ALOX12B: variants seen among roughly 807,000 people sequenced by gnomAD.
ALOX12B encodes the protein arachidonate 12-lipoxygenase, 12R-type.
Under a neutral mutation model 78.9 loss-of-function variants are expected in ALOX12B, and 47 were observed. That is an observed-to-expected ratio of 0.60 (90% CI 0.47 to 0.76). The LOEUF (loss-of-function observed/expected upper bound fraction) is 0.76. Among genes scored for constraint, ALOX12B ranks in the 30% least tolerant of loss-of-function variants. ALOX12B has a pLI of 0.00. For missense variants in ALOX12B, 805 were observed against 922.6 expected (o/e 0.87, Z 1.65); for synonymous variants, 370 against 374.5 (o/e 0.99, Z 0.14).
At chr17:8,075,860 G>C in intron 11 of ALOX12B, 144 bp from the exon 12 acceptor site, 1 of 1,382,634 alleles carries the variant, frequency 7.2e-7, no homozygotes, top group Non-Finnish European at 1.0e-6. Flanking sequence ...CTGTGGGGCA[G>C]AAGTGGAGAG....
intron 3 of ALOX12B, 29 bp downstream of exon 3, chr17:8,081,077 C>G (rs372947943): frequency 1.2e-6 from 2 of 1,612,866 alleles, no homozygotes; most frequent in East Asian, 2.2e-5. Context: ...CCCTGCCGGG[C>G]GCCCAGACTC....
chr17:8,087,711 C>G lies in ALOX12B; in HGVS notation c.-269G>C. On this transcript the variant is annotated 5_prime_UTR_variant, in exon 1 of 15. Transcript: ENST00000647874. ...AGTGAGCAGGTGTCTGGGCTCCAAG[C>G]CTTCTGGGAGCTGGTGGGGAGGAAG... The G allele has an allele frequency of 1.8e-6, 1 of 549,960 alleles. No homozygotes were observed. The highest frequency in any genetic ancestry group is 3.1e-5 in the Admixed American group (1 of 32,194). 34.1% of individuals were successfully genotyped at this position (549,960 alleles called of 1,614,324 possible).
In ALOX12B at chr17:8,081,170, C is replaced by A; in HGVS notation, c.370G>T (p.Asp124Tyr). 1 of 1,613,948 alleles carries A rather than the reference C, an allele frequency of 6.2e-7. No individual in the cohort carries two copies. The highest frequency in any genetic ancestry group is 8.5e-7 in the Non-Finnish European group (1 of 1,180,006). ...REATGKTTAD[D>Y]SLPVLLEHRK... ...TGCTCCAGGAGGACGGGGAGCGAGT[C>A]ATCTGCTGTTGTCTTTCCTGTAGGG... The change falls in exon 3 of 15, where the codon GAC (aspartate) becomes TAC (tyrosine). Residue 124 changes from aspartate to tyrosine, a missense_variant. Asp to Tyr is a radical substitution (Grantham distance 160). Coordinates refer to ENST00000647874, the MANE Select transcript of ALOX12B (RefSeq NM_001139.3).
rs3027302 is a variant in ALOX12B at position 8,085,729 on chromosome 17, G to T, written c.352+287C>A. 0.71 allele frequency among the ~76,000 whole-genome samples: 107,724 copies of T among 152,126 alleles called. 38,835 individuals carry two copies. The highest frequency in any genetic ancestry group is 0.85 in the African/African-American group (35,139 of 41,514). On this transcript the variant is annotated intron_variant, in intron 2 of 14. Coordinates refer to ENST00000647874, the MANE Select transcript of ALOX12B (RefSeq NM_001139.3). ...TATAGGAGTCAGGGAGGACTGGAGA[G>T]GTAGCGGGGAGCGCACTCTGGGAAT...
intron 13 of ALOX12B, 67 bp from the exon 14 acceptor site, chr17:8,073,385 C>G: frequency 6.3e-7 from 1 of 1,598,826 alleles, no homozygotes; most frequent in South Asian, 1.1e-5. Context: ...CCACCAGGTG[C>G]TGACCACCCG....
At chr17:8,078,495 G>A (rs1399198674) in intron 8 of ALOX12B, among the ~76,000 whole-genome samples, 1 of 151,820 alleles carries the variant, frequency 6.6e-6, no homozygotes, top group Non-Finnish European at 1.5e-5. Flanking sequence ...AGAGGGCCGG[G>A]CGAGGTGGCT....
intron 11 of ALOX12B, 36 bp downstream of exon 11, chr17:8,076,139 C>T: frequency 6.2e-7 from 1 of 1,613,310 alleles, no homozygotes; most frequent in South Asian, 1.1e-5. Context: ...CCAGGTTGTC[C>T]ACCCTAAGAG....
At position 8,080,385 on chromosome 17, in the gene ALOX12B, C is replaced by T. The variant is rs562141674; in HGVS notation, c.651-47G>A. On this transcript the variant is annotated intron_variant, in intron 5 of 14. Transcript: ENST00000647874. This position sits in a 1 kb window ranked among gnomAD's most constrained non-coding sequence, Gnocchi z 4.8. ...AGAGGCCTTCAGAGGGGCTGCCAAG[C>T]GCCGGCTGGGGCAGGTGGCGGGGCC... is the stretch of plus-strand genomic sequence containing the variant. 6.2e-7 allele frequency: 1 copy of T among 1,605,736 alleles called. No individual in the cohort carries two copies. Among genetic ancestry groups the T allele is most frequent in the South Asian group, 1.1e-5 (1 of 90,932 alleles).
At chr17:8,074,830 T>C (rs1017084472) in intron 12 of ALOX12B, among the ~76,000 whole-genome samples, 1 of 152,210 alleles carries the variant, frequency 6.6e-6, no homozygotes, top group Non-Finnish European at 1.5e-5. Context: ...ATGCTCTCTC[T>C]GGCTTTCTCG....
Position 8,080,897 on chromosome 17 carries a change from G to A in ALOX12B, c.514C>T (p.Pro172Ser). 6.2e-7 allele frequency: 1 copy of A among 1,613,932 alleles called. No homozygotes were observed. The highest frequency in any genetic ancestry group is 2.2e-5 in the East Asian group (1 of 44,864). Residue 172 changes from proline (P) to serine (S), a missense_variant, in exon 4 of 15, where the codon CCC becomes TCC. Pro to Ser is a moderately conservative substitution (Grantham distance 74, BLOSUM62 -1). Coordinates refer to ENST00000647874, the MANE Select transcript of ALOX12B (RefSeq NM_001139.3). The surrounding 1 kb of genome is among the most constrained non-coding windows in gnomAD (Gnocchi z 4.8). ...YRPPVRRHRN[P>S]NRPEWNGYIP... ...TCGGGTCCTTACTCAGGCCGGTTGG[G>A]GTTGCGATGCCTCCGCACCGGAGGG...
chr17:8,076,067 C>T, intron 11 of ALOX12B, 108 bp downstream of exon 11: 1 of 1,457,838 alleles, frequency 6.9e-7, no homozygotes, highest in Admixed American at 1.8e-5. Context: ...AAGGCCAAGC[C>T]CCTGGATGAC....
chr17:8,087,565 G>T lies in ALOX12B; in HGVS notation c.-123C>A. ...GGAGTGGACAGGGCTGGCCTCCGAG[G>T]TGCAGTGGTGAGGTGGCGAGGTGGG... On this transcript the variant is annotated 5_prime_UTR_variant, in exon 1 of 15. Coordinates refer to ENST00000647874, the MANE Select transcript of ALOX12B (RefSeq NM_001139.3). The T allele has an allele frequency of 6.6e-7, 1 of 1,516,994 alleles. No homozygotes were observed. The highest frequency in any genetic ancestry group is 9.0e-7 in the Non-Finnish European group (1 of 1,110,462). 94.0% of individuals were successfully genotyped at this position (1,516,994 alleles called of 1,614,324 possible).
At chr17:8,073,981 G>T (rs964424157) in intron 12 of ALOX12B, among the ~76,000 whole-genome samples, 1 of 152,154 alleles carries the variant, frequency 6.6e-6, no homozygotes, top group Non-Finnish European at 1.5e-5. Flanking sequence ...GTCCTCCAGG[G>T]CTGCTCCTGG....
In ALOX12B at chr17:8,087,388, G is replaced by A. The variant is rs757119807; in HGVS notation, c.55C>T (p.Arg19Trp). ...ATGTDLLSGTRDSISLTIVGT... is the reference protein window; with the variant it reads ...ATGTDLLSGTWDSISLTIVGT... ...ACAATGGTCAGTGAGATGGAGTCCCGTGTTCCCGACAAGAGGTCGGTGCCT... is the reference window on the plus strand; with the variant it reads ...ACAATGGTCAGTGAGATGGAGTCCCATGTTCCCGACAAGAGGTCGGTGCCT... The change falls in exon 1 of 15, where the codon CGG becomes TGG. Residue 19 changes from arginine to tryptophan, a missense_variant. Arg to Trp is a moderately radical substitution (Grantham distance 101, BLOSUM62 -3). Coordinates refer to ENST00000647874, the MANE Select transcript of ALOX12B (RefSeq NM_001139.3). 1.9e-5 allele frequency: 31 copies of A among 1,614,096 alleles called. No individual in the cohort carries two copies. The highest frequency in any genetic ancestry group is 6.7e-5 in the East Asian group (3 of 44,898).
intron 2 of ALOX12B, among the ~76,000 whole-genome samples, chr17:8,084,691 C>T (rs1978291963): frequency 6.6e-6 from 1 of 152,198 alleles, no homozygotes; most frequent in African/African-American, 2.4e-5. Flanking sequence ...GGGGAAGATT[C>T]CAGCACAGGG....
intron 8 of ALOX12B, among the ~76,000 whole-genome samples, chr17:8,077,483 A>G (rs1261499533): frequency 6.6e-6 from 1 of 152,086 alleles, no homozygotes; most frequent in Admixed American, 6.6e-5. Context: ...AGACTTCCTT[A>G]CTTCAGCCAC....
Position 8,086,128 on chromosome 17 carries a change from G to A in ALOX12B, c.240C>T (p.Asp80=). Reference sequence around the variant, plus strand: ...TCTGCACATAGTTGCAGTACCAAGGGTCCTTGGGGAAGAAGGCGTACCGCT... The same window carrying A: ...TCTGCACATAGTTGCAGTACCAAGGATCCTTGGGGAAGAAGGCGTACCGCT... ...HKERYAFFPK[D]PWYCNYVQIC... The change falls in exon 2 of 15, where the codon GAC becomes GAT. Residue 80 remains aspartate (D), a synonymous_variant. Transcript: ENST00000647874. 6.2e-7 allele frequency: 1 copy of A among 1,614,178 alleles called. No individual in the cohort carries two copies. The highest frequency in any genetic ancestry group is 8.5e-7 in the Non-Finnish European group (1 of 1,180,012).
intron 8 of ALOX12B, 112 bp from the exon 9 acceptor site, chr17:8,077,305 G>A: frequency 9.0e-7 from 1 of 1,107,422 alleles, no homozygotes. Flanking sequence ...ACACTCCTAA[G>A]CTCCGGTCCC....
rs189635761 is a variant in ALOX12B, at chr17:8,072,996, C to T, written c.1927-46G>A. 1.5e-3 allele frequency: 2,460 copies of T among 1,596,710 alleles called. 43 individuals are homozygous for T. The African/African-American group carries it at 0.029, about 19-fold the overall frequency. ...AGCTGGGACCAGGGCCGGCCAGCAC[C>T]CCCTCCTCCTGCCGGTGGCCCTGGC... On this transcript the variant is annotated intron_variant, in intron 14 of 14. Transcript: ENST00000647874.
Sources: gnomAD v4.1 joint callset for allele counts (sites outside exome capture counted in the v4.1 genomes callset) on GRCh38, gnomAD v4.1.1 for gene constraint, Gnocchi (gnomAD v3.1) non-coding constraint, MANE v1.5 for transcripts, NCBI Gene and HGNC (gene_info 2026-07-23, HGNC 2026-07-21) for gene names.